ENTREP1: variants seen among roughly 807,000 people sequenced by gnomAD.
ENTREP1 encodes the protein endosomal transmembrane epsin interactor 1, also known as Friedreich ataxia region gene X123.
chr9:69,359,164 C>G, the ENTREP1 span, among the ~76,000 whole-genome samples: 1 of 152,114 alleles, frequency 6.6e-6, no homozygotes, highest in Non-Finnish European at 1.5e-5. Flanking sequence ...CCTCAGCCTC[C>G]TAAAGTGCTG....
chr9:69,348,617 C>G, the ENTREP1 span, among the ~76,000 whole-genome samples: 23 of 152,366 alleles, frequency 1.5e-4, no homozygotes, highest in Middle Eastern at 3.4e-3. Context: ...TCAATACCTT[C>G]AGCCTCAGGA....
chr9:69,377,168 T>A, the ENTREP1 span, among the ~76,000 whole-genome samples: 1 of 152,234 alleles, frequency 6.6e-6, no homozygotes, highest in South Asian at 2.1e-4. Flanking sequence ...GAAGTACACA[T>A]TATTGCATGA....
At chr9:69,341,904 A>AC in the ENTREP1 span, among the ~76,000 whole-genome samples, 1 of 151,922 alleles carries the variant, frequency 6.6e-6, no homozygotes, top group Non-Finnish European at 1.5e-5. Flanking sequence ...AAATCTCTTG[A>AC]CCCAAAAGTC....
the ENTREP1 span, among the ~76,000 whole-genome samples, chr9:69,363,649 A>G: frequency 6.6e-6 from 1 of 152,142 alleles, no homozygotes; most frequent in African/African-American, 2.4e-5. Flanking sequence ...CTTTCCTTTG[A>G]GGGACACAGC....
the ENTREP1 span, among the ~76,000 whole-genome samples, chr9:69,326,826 A>C: frequency 0.083 from 12,585 of 151,612 alleles, 682 homozygotes; most frequent in African/African-American, 0.14. Context: ...GGCCTCCCAA[A>C]GTGTGGGGAT....
the ENTREP1 span, chr9:69,329,402 C>A: frequency 1.0e-6 from 1 of 983,666 alleles, no homozygotes; most frequent in Non-Finnish European, 1.2e-6. Context: ...TAAGAGAGCC[C>A]TGAGCCTGAG....
the ENTREP1 span, among the ~76,000 whole-genome samples, chr9:69,365,267 T>C: frequency 1.3e-5 from 2 of 152,156 alleles, no homozygotes; most frequent in Non-Finnish European, 2.9e-5. Context: ...TCCTCACAAA[T>C]AGGCAATCAC....
chr9:69,339,908 G>C, the ENTREP1 span, among the ~76,000 whole-genome samples: 1 of 152,110 alleles, frequency 6.6e-6, no homozygotes, highest in South Asian at 2.1e-4. Flanking sequence ...TGAATTACTG[G>C]CTTTGTGGTC....
the ENTREP1 span, chr9:69,383,811 C>T: frequency 6.2e-7 from 1 of 1,607,900 alleles, no homozygotes; most frequent in Non-Finnish European, 8.5e-7. Context: ...GTGGGAAAGA[C>T]AGCACCGCCC....
At chr9:69,349,010 C>T in the ENTREP1 span, among the ~76,000 whole-genome samples, 1 of 151,692 alleles carries the variant, frequency 6.6e-6, no homozygotes, top group African/African-American at 2.4e-5. Flanking sequence ...ATGGTGAAAC[C>T]CTGTCTCTAC....
chr9:69,335,201 A>G, the ENTREP1 span, among the ~76,000 whole-genome samples: 1 of 152,244 alleles, frequency 6.6e-6, no homozygotes, highest in Non-Finnish European at 1.5e-5. Flanking sequence ...ATTGGGGCAC[A>G]ATGCTGGGAA....
At chr9:69,324,586 C>A in the ENTREP1 span, 4 of 985,242 alleles carry the variant, frequency 4.1e-6, no homozygotes, top group Non-Finnish European at 4.8e-6. Flanking sequence ...CTTTCATTCC[C>A]GCTCCTACCG....
the ENTREP1 span, among the ~76,000 whole-genome samples, chr9:69,332,977 AG>A: frequency 6.6e-6 from 1 of 152,252 alleles, no homozygotes; most frequent in Non-Finnish European, 1.5e-5. Context: ...TAGTCACTAA[AG>A]TAAAATGAAT....
At chr9:69,332,271 T>C in the ENTREP1 span, among the ~76,000 whole-genome samples, 1 of 152,196 alleles carries the variant, frequency 6.6e-6, no homozygotes, top group Non-Finnish European at 1.5e-5. Context: ...TGTTGCGGGG[T>C]TCAGGAATGA....
the ENTREP1 span, among the ~76,000 whole-genome samples, chr9:69,357,117 AT>A: frequency 8.8e-4 from 119 of 135,620 alleles, no homozygotes; most frequent in Non-Finnish European, 1.4e-3. Flanking sequence ...AAAAAAAAAA[AT>A]TTTGAAGTCA....
At chr9:69,389,758 T>C in the ENTREP1 span, among the ~76,000 whole-genome samples, 5 of 152,316 alleles carry the variant, frequency 3.3e-5, no homozygotes, top group Admixed American at 2.0e-4. Context: ...TTCTGCAAAG[T>C]CTTGCTCCCT....
the ENTREP1 span, among the ~76,000 whole-genome samples, chr9:69,388,720 C>T: frequency 2.0e-5 from 3 of 152,120 alleles, no homozygotes; most frequent in African/African-American, 7.2e-5. Context: ...AAGAGTGCAT[C>T]CTAGGAATAA....
At chr9:69,384,548 T>C in the ENTREP1 span, among the ~76,000 whole-genome samples, 3 of 152,252 alleles carry the variant, frequency 2.0e-5, no homozygotes, top group South Asian at 2.1e-4. Flanking sequence ...AAGATTGTGC[T>C]GTGTCATTTA....
At chr9:69,335,435 G>A in the ENTREP1 span, among the ~76,000 whole-genome samples, 1 of 152,184 alleles carries the variant, frequency 6.6e-6, no homozygotes, top group East Asian at 1.9e-4. Context: ...GGGAAGCTGG[G>A]AGGACACAGC....
Sources: gnomAD v4.1 joint callset for allele counts (sites outside exome capture counted in the v4.1 genomes callset) on GRCh38, gnomAD v4.1.1 for gene constraint, MANE v1.5 for transcripts, NCBI Gene and HGNC (gene_info 2026-07-23, HGNC 2026-07-21) for gene names.